DMD: variants seen among roughly 807,000 people sequenced by gnomAD.
The protein encoded by DMD is dystrophin.
Under a neutral mutation model 330.1 loss-of-function variants are expected in DMD, and 63 were observed. The ratio of observed to expected loss-of-function variants is 0.19; its 90% CI spans 0.16 to 0.24. DMD has a LOEUF of 0.24. DMD is among the 10% of genes least tolerant of loss of function. The pLI is 1.00. For missense variants in DMD, 3,344 were observed against 2,684.1 expected, an observed-to-expected ratio of 1.25 and a Z score of -5.43; for synonymous variants, 1,223 against 959.8, an observed-to-expected ratio of 1.27 and a Z score of -5.07.
intron 50 of DMD, among the ~76,000 whole-genome samples, chrX:31,783,963 TC>T (rs1303179824): frequency 1.8e-5 from 2 of 112,340 alleles, no homozygotes; most frequent in Admixed American, 1.9e-4. Flanking sequence ...TGGTTCCTCA[TC>T]ATACCACTCT....
chrX:32,930,687 C>T (rs990801846), intron 2 of DMD, among the ~76,000 whole-genome samples: 2 of 110,316 alleles, frequency 1.8e-5, no homozygotes, highest in Admixed American at 9.8e-5. Flanking sequence ...GTCCCTCCCT[C>T]CTGGAATGCA....
intron 60 of DMD, among the ~76,000 whole-genome samples, chrX:31,354,762 T>A (rs899233214): frequency 8.9e-6 from 1 of 112,123 alleles, no homozygotes; most frequent in African/African-American, 3.2e-5. Context: ...AAGACAGAGA[T>A]CTTATCTGTC....
At chrX:32,345,033 T>A (rs766108277) in intron 39 of DMD, among the ~76,000 whole-genome samples, 20 of 111,316 alleles carry the variant, frequency 1.8e-4, no homozygotes, top group East Asian at 1.7e-3. Context: ...GTTTATTTGG[T>A]TGACTATAGG....
chrX:33,004,293 T>C (rs1030653343), intron 2 of DMD, among the ~76,000 whole-genome samples: 10 of 111,598 alleles, frequency 9.0e-5, no homozygotes, highest in African/African-American at 3.2e-4. Context: ...TTCCTTGCCT[T>C]ATGGCTCTAA....
chrX:32,834,353 A>G (rs1278013964), intron 4 of DMD, among the ~76,000 whole-genome samples: 3 of 112,102 alleles, frequency 2.7e-5, no homozygotes, highest in Admixed American at 9.5e-5. Flanking sequence ...TTATAGTCAA[A>G]TATATTCTGA....
At chrX:32,820,644 G>T (rs769374529) in intron 5 of DMD, among the ~76,000 whole-genome samples, 19 of 111,106 alleles carry the variant, frequency 1.7e-4, no homozygotes, top group Non-Finnish European at 3.2e-4. Flanking sequence ...TTGGAGCTCT[G>T]TGCATGCTTG....
intron 1 of DMD, among the ~76,000 whole-genome samples, chrX:33,020,955 T>G (rs946175525): frequency 9.0e-6 from 1 of 110,865 alleles, no homozygotes; most frequent in Non-Finnish European, 1.9e-5. Flanking sequence ...ATGGAAGAGG[T>G]TTCCTGATGA....
intron 2 of DMD, among the ~76,000 whole-genome samples, chrX:33,019,158 T>C (rs775434000): frequency 6.1e-4 from 68 of 111,742 alleles, no homozygotes; most frequent in African/African-American, 2.1e-3. Flanking sequence ...TTATCATGAA[T>C]TTTACAAAAT....
chrX:32,400,196 T>G (rs865938087), intron 30 of DMD, among the ~76,000 whole-genome samples: 1 of 112,099 alleles, frequency 8.9e-6, no homozygotes, highest in Non-Finnish European at 1.9e-5. Flanking sequence ...AAAGGCTTTT[T>G]CTGCATCTAT....
intron 49 of DMD, among the ~76,000 whole-genome samples, chrX:31,822,653 G>GGGTGTGT (rs58903799): frequency 0.01 from 689 of 65,812 alleles, 11 homozygotes; most frequent in African/African-American, 0.011. Context: ...AAGGCAGAGG[G>GGGTGTGT]GTGTGTGTGT....
At chrX:31,368,979 C>T (rs1333597208) in intron 60 of DMD, among the ~76,000 whole-genome samples, 1 of 111,443 alleles carries the variant, frequency 9.0e-6, no homozygotes, top group Non-Finnish European at 1.9e-5. Context: ...ATGAGGTAAC[C>T]CCTCACTACA....
At chrX:32,893,516 C>T (rs2085413221) in intron 2 of DMD, among the ~76,000 whole-genome samples, 1 of 112,075 alleles carries the variant, frequency 8.9e-6, no homozygotes, top group Non-Finnish European at 1.9e-5. Flanking sequence ...TGACCGTCTT[C>T]CTCCTCAGTA....
At chrX:31,947,044 G>GA (rs1370589363) in intron 45 of DMD, among the ~76,000 whole-genome samples, 2 of 111,734 alleles carry the variant, frequency 1.8e-5, no homozygotes, top group African/African-American at 6.5e-5. Flanking sequence ...ATATCAGGGA[G>GA]AAAAGTAAGA....
intron 2 of DMD, among the ~76,000 whole-genome samples, chrX:32,938,986 G>C (rs1415789768): frequency 9.1e-6 from 1 of 110,446 alleles, no homozygotes; most frequent in Non-Finnish European, 1.9e-5. Context: ...AGCAAGAAAA[G>C]TCATCATGTG....
chrX:32,297,016 TTCAC>T (rs2097499430), intron 42 of DMD, among the ~76,000 whole-genome samples: 1 of 110,766 alleles, frequency 9.0e-6, no homozygotes, highest in Admixed American at 9.6e-5. Context: ...GAAATTCCTA[TTCAC>T]TCACTTAGTA....
chrX:31,772,505 C>T (rs770028200), intron 51 of DMD, among the ~76,000 whole-genome samples: 150 of 112,093 alleles, frequency 1.3e-3, no homozygotes, highest in African/African-American at 4.8e-3. Context: ...ACATAGCAAC[C>T]ATAAAATGCT....
rs149252469 is a variant in DMD at position 33,049,417 on chromosome X, C to T, written c.32-29217G>A. 6.7e-3 allele frequency among the ~76,000 whole-genome samples: 742 copies of T among 111,358 alleles called. 5 individuals are homozygous for T. The highest frequency in any genetic ancestry group is 0.02 in the African/African-American group (611 of 30,653). On this transcript the variant is annotated intron_variant, in intron 1 of 78. Coordinates refer to ENST00000357033, the MANE Select transcript of DMD (RefSeq NM_004006.3). ...ATATGGTGGCTGCCACTTTCTTAAC[C>T]TACAGTATTAATGGCAGAAATGCTT...
In DMD at chrX:31,141,201, A is replaced by AAACAACAACAAC. The variant is rs34805586; in HGVS notation, c.10921+5078_10921+5089dup. Among the ~76,000 whole-genome samples the AAACAACAACAAC allele has an allele frequency of 8.1e-3, 858 of 105,909 alleles. 6 individuals are homozygous for AAACAACAACAAC. Among genetic ancestry groups the AAACAACAACAAC allele is most frequent in the African/African-American group, 0.027 (710 of 26,750 alleles). 92.0% of individuals were successfully genotyped at this position (105,909 alleles called of 115,157 possible). ...AGCGAGACTCCGTCTCACACAAAAG[A>AAACAACAACAAC]AACAACAACAACAACAACAACAACA... On this transcript the variant is annotated intron_variant, in intron 76 of 78. Coordinates refer to ENST00000357033, the MANE Select transcript of DMD (RefSeq NM_004006.3).
chrX:32,768,050 C>T (rs1400876213), intron 7 of DMD, among the ~76,000 whole-genome samples: 1 of 112,062 alleles, frequency 8.9e-6, no homozygotes, highest in Non-Finnish European at 1.9e-5. Context: ...TAAAAATATT[C>T]TGTCAAAGTC....
Sources: gnomAD v4.1 joint callset for allele counts (sites outside exome capture counted in the v4.1 genomes callset) on GRCh38, gnomAD v4.1.1 for gene constraint, MANE v1.5 for transcripts, NCBI Gene and HGNC (gene_info 2026-07-23, HGNC 2026-07-21) for gene names.